Variants in KCNN2 observed in about 807,000 individuals in gnomAD.
KCNN2 encodes potassium calcium-activated channel subfamily N member 2, also known as small conductance calcium-activated potassium channel protein 2.
A neutral mutation model predicts 55.5 loss-of-function variants in KCNN2; 24 were observed. That is an observed-to-expected ratio of 0.43 (90% CI 0.31 to 0.61). KCNN2 has a LOEUF of 0.61. KCNN2 is among the 20% of genes least tolerant of loss of function. The pLI is 0.08. For missense variants in KCNN2, 754 were observed against 853.6 expected (o/e 0.88, Z 1.45); for synonymous variants, 431 against 336.1 (o/e 1.28, Z -3.09).
chr5:114,349,594 C>T (rs900557571), intron 2 of KCNN2, among the ~76,000 whole-genome samples: 1 of 151,894 alleles, frequency 6.6e-6, no homozygotes, highest in African/African-American at 2.4e-5. Flanking sequence ...CACTCTGATC[C>T]CAAGCATTCT....
At chr5:114,249,899 TTA>T (rs1352827005) in intron 2 of KCNN2, among the ~76,000 whole-genome samples, 1 of 152,182 alleles carries the variant, frequency 6.6e-6, no homozygotes, top group East Asian at 1.9e-4. Flanking sequence ...GTACCCCATG[TTA>T]TGTTTAGTTA....
At chr5:114,461,369 C>T (rs887257672) in intron 3 of KCNN2, among the ~76,000 whole-genome samples, 5 of 152,052 alleles carry the variant, frequency 3.3e-5, no homozygotes, top group Admixed American at 2.0e-4. Flanking sequence ...GGGTGAGGAA[C>T]GGTGGTGATT....
chr5:114,391,767 C>T (rs1018442798), intron 2 of KCNN2, among the ~76,000 whole-genome samples: 1 of 152,132 alleles, frequency 6.6e-6, no homozygotes, highest in African/African-American at 2.4e-5. Flanking sequence ...TGCAGGCATA[C>T]TTTCAGCTGC....
chr5:114,321,920 G>A (rs6861035), intron 2 of KCNN2, among the ~76,000 whole-genome samples: 18,299 of 152,176 alleles, frequency 0.12, 1,486 homozygotes, highest in Non-Finnish European at 0.16. Flanking sequence ...AAAGTGCTGG[G>A]ATTATAAGTA....
At chr5:114,363,667 C>T (rs1190478403) in intron 1 of KCNN2, among the ~76,000 whole-genome samples, 1 of 152,162 alleles carries the variant, frequency 6.6e-6, no homozygotes, top group African/African-American at 2.4e-5. Context: ...TCCTCTATGG[C>T]GTGGACCCAG....
chr5:114,241,377 A>G (rs1030405109), intron 2 of KCNN2, among the ~76,000 whole-genome samples: 3 of 151,970 alleles, frequency 2.0e-5, no homozygotes, highest in Non-Finnish European at 1.5e-5. Context: ...GAAGATAGTT[A>G]TGCCTTAACA....
chr5:114,334,260 ATGTGTGTGTG>A (rs56654295), intron 2 of KCNN2, among the ~76,000 whole-genome samples: 4,982 of 138,248 alleles, frequency 0.036, 90 homozygotes, highest in African/African-American at 0.046. Context: ...CATATGCCTG[ATGTGTGTGTG>A]TGTGTGTGTG....
chr5:114,417,819 G>A lies in KCNN2; in HGVS notation c.1637+12963G>A, dbSNP rs149517286. Among the ~76,000 whole-genome samples the A allele has an allele frequency of 4.8e-3, 724 of 152,198 alleles. 8 individuals carry two copies. The highest frequency in any genetic ancestry group is 0.016 in the African/African-American group (673 of 41,542). ...GGTATTCTATACCATGTAAAAATGG[G>A]GGTACAAAAGCCTTATCTGAATCAA... On this transcript the variant is annotated intron_variant, in intron 3 of 7. Coordinates refer to ENST00000673685, the MANE Select transcript of KCNN2 (RefSeq NM_021614.4).
intron 3 of KCNN2, among the ~76,000 whole-genome samples, chr5:114,448,042 T>G (rs1056484317): frequency 6.6e-6 from 1 of 152,202 alleles, no homozygotes; most frequent in African/African-American, 2.4e-5. Context: ...TTTAAGTAAT[T>G]AGTAGGCTGG....
intron 1 of KCNN2, among the ~76,000 whole-genome samples, chr5:114,152,161 T>G (rs754710501): frequency 6.6e-6 from 1 of 152,178 alleles, no homozygotes; most frequent in African/African-American, 2.4e-5. Flanking sequence ...AATTACCATT[T>G]TTTTTTGCTA....
intron 2 of KCNN2, among the ~76,000 whole-genome samples, chr5:114,269,144 A>C (rs1187385323): frequency 2.0e-5 from 3 of 152,088 alleles, no homozygotes; most frequent in Admixed American, 6.6e-5. Context: ...TAGAAAAGTC[A>C]AGTTTTTCTA....
At chr5:114,155,395 T>G (rs1752609417) in intron 1 of KCNN2, among the ~76,000 whole-genome samples, 1 of 152,162 alleles carries the variant, frequency 6.6e-6, no homozygotes, top group Non-Finnish European at 1.5e-5. Context: ...TTTCTTTGGG[T>G]GTATACCCGG....
At chr5:114,290,905 C>A (rs1292103540) in intron 2 of KCNN2, among the ~76,000 whole-genome samples, 1 of 151,758 alleles carries the variant, frequency 6.6e-6, no homozygotes, top group East Asian at 1.9e-4. Flanking sequence ...TTCTATTTTC[C>A]TTGTTACTGA....
intron 2 of KCNN2, among the ~76,000 whole-genome samples, chr5:114,313,843 A>C (rs1756450962): frequency 6.6e-6 from 1 of 152,182 alleles, no homozygotes. Context: ...AGGTCAGTGT[A>C]ATTCATAAGA....
chr5:114,192,806 G>T (rs1435718092), intron 1 of KCNN2, among the ~76,000 whole-genome samples: 1 of 152,010 alleles, frequency 6.6e-6, no homozygotes, highest in Non-Finnish European at 1.5e-5. Flanking sequence ...CTGAAGCTAC[G>T]AACTGAGCTA....
At chr5:114,236,192 C>T (rs1271298525) in intron 2 of KCNN2, among the ~76,000 whole-genome samples, 1 of 152,120 alleles carries the variant, frequency 6.6e-6, no homozygotes, top group Non-Finnish European at 1.5e-5. Context: ...TCTTAGTTCT[C>T]CTAGAATAGT....
chr5:114,080,147 T>C (rs2112539093), intron 1 of KCNN2, among the ~76,000 whole-genome samples: 1 of 152,322 alleles, frequency 6.6e-6, no homozygotes, highest in Non-Finnish European at 1.5e-5. Context: ...CTCCACACTC[T>C]TCTTCACAGT....
intron 2 of KCNN2, among the ~76,000 whole-genome samples, chr5:114,354,585 G>T (rs1757265836): frequency 6.6e-6 from 1 of 152,064 alleles, no homozygotes; most frequent in Non-Finnish European, 1.5e-5. Flanking sequence ...CACTGATGAT[G>T]TCTTAACCTC....
At chr5:114,146,089 C>T (rs1396905133) in intron 1 of KCNN2, among the ~76,000 whole-genome samples, 4 of 152,018 alleles carry the variant, frequency 2.6e-5, no homozygotes, top group East Asian at 1.9e-4. Flanking sequence ...CTCTTCCCCA[C>T]GTTAAAATAG....
Sources: gnomAD v4.1 joint callset for allele counts (sites outside exome capture counted in the v4.1 genomes callset) on GRCh38, gnomAD v4.1.1 for gene constraint, MANE v1.5 for transcripts, NCBI Gene and HGNC (gene_info 2026-07-23, HGNC 2026-07-21) for gene names.